MED28: variants seen among roughly 807,000 people sequenced by gnomAD.
MED28 encodes mediator of RNA polymerase II transcription subunit 28.
In MED28, 26 loss-of-function variants were observed where a neutral mutation model predicts 21.3. The observed-to-expected ratio is 1.22, with a 90% confidence interval of 0.89 to 1.69. MED28 has a LOEUF of 1.69. Ranked by LOEUF, MED28 falls within the 40% of genes most tolerant of loss-of-function variation. The probability of loss-of-function intolerance (pLI) is 0.00; values close to 1 mark genes in which losing one functional copy is unlikely to be tolerated. For missense variants in MED28, 257 were observed against 215.4 expected, an observed-to-expected ratio of 1.19 and a Z score of -1.21; for synonymous variants, 110 against 87.6, an observed-to-expected ratio of 1.26 and a Z score of -1.43.
chr4:17,623,775 C>T lies in MED28; in HGVS notation c.514C>T (p.Pro172Ser), dbSNP rs1179060204. 4.3e-6 allele frequency: 7 copies of T among 1,614,052 alleles called. No individual in the cohort carries two copies. Residue 172 changes from proline (P) to serine (S), a missense_variant, in exon 4 of 4, where the codon CCT becomes TCT. By Grantham distance (74) the Pro-to-Ser change is moderately conservative. Transcript: ENST00000237380. Reference protein sequence around the residue: ...AYLEQASANIPAPLKPT With the variant: ...AYLEQASANISAPLKPT The stretch of plus-strand genomic sequence containing the variant: ...CCTGGAGCAGGCATCTGCCAACATC[C>T]CTGCACCTCTGAAGCCAACGTGAGC...
At chr4:17,620,220 C>G in intron 2 of MED28, 1 of 441,230 alleles carries the variant, frequency 2.3e-6, no homozygotes, top group South Asian at 3.1e-5. Flanking sequence ...ATAGTGTGTA[C>G]TGCTTTTTAA....
At position 17,623,876 on chromosome 4, in the gene MED28, A is replaced by G; in HGVS notation, c.*78A>G. 8.2e-6 allele frequency: 12 copies of G among 1,461,788 alleles called. No homozygotes were observed. The highest frequency in any genetic ancestry group is 1.1e-5 in the Non-Finnish European group (12 of 1,073,364). The allele number at this position is 1,461,788 out of a possible 1,614,324, so 90.6% of individuals were successfully genotyped here. A position where few individuals can be genotyped will look rare whatever the true frequency, so the allele number is the denominator to read the frequency against. On this transcript the variant is annotated 3_prime_UTR_variant, in exon 4 of 4. Transcript: ENST00000237380. ...ACACATTCCTTCCTGTGGACTTGAC[A>G]TTTTGGAAGAACTCTTTGCCAGATA...
rs1051175163 is a variant in MED28 at position 17,628,765 on chromosome 4, A to G, written c.*4967A>G. 3 of 152,216 alleles carry G rather than the reference A, an allele frequency of 2.0e-5. No individual in the cohort carries two copies. Among genetic ancestry groups the G allele is most frequent in the Admixed American group, 6.6e-5 (1 of 15,264 alleles). 9.4% of individuals were successfully genotyped at this position (152,216 alleles called of 1,614,324 possible). A position where few individuals can be genotyped will look rare whatever the true frequency, so the allele number is the denominator to read the frequency against. ...CTCACTCACTGCCCAACTGGTAGCA[A>G]AACCCATCTGGAGCAGCGTGTGAGG... On this transcript the variant is annotated 3_prime_UTR_variant, in exon 4 of 4. Transcript: ENST00000237380.
intron 1 of MED28, among the ~76,000 whole-genome samples, chr4:17,617,298 C>T (rs1372438342): frequency 6.6e-6 from 1 of 152,202 alleles, no homozygotes; most frequent in Non-Finnish European, 1.5e-5. Context: ...TTCACAGCCT[C>T]CAGTGGCACA....
chr4:17,624,573 AGT>A lies in MED28; in HGVS notation c.*777_*778del, dbSNP rs1714724568. 1 of 152,096 alleles carries A rather than the reference AGT, an allele frequency of 6.6e-6. No homozygotes were observed. The highest frequency in any genetic ancestry group is 2.4e-5 in the African/African-American group (1 of 41,426). 9.4% of individuals were successfully genotyped at this position (152,096 alleles called of 1,614,324 possible). ...CAGTCACTGTTTTCAGTAGCATGAC[AGT>A]GGGGTCATAGGTGAGCTGTGAGGGG... On this transcript the variant is annotated 3_prime_UTR_variant, in exon 4 of 4. Transcript: ENST00000237380.
Position 17,623,660 on chromosome 4 carries a change from G to C in MED28, c.399G>C (p.Leu133Phe). The C allele has an allele frequency of 1.9e-6, 3 of 1,614,220 alleles. No individual in the cohort carries two copies. The highest frequency in any genetic ancestry group is 2.2e-5 in the South Asian group (2 of 91,084). The change falls in exon 4 of 4, where the codon TTG becomes TTC. Residue 133 changes from leucine to phenylalanine, a missense_variant. Coordinates refer to ENST00000237380, the MANE Select transcript of MED28 (RefSeq NM_025205.5). Reference sequence around the variant, plus strand: ...AAGATGCACTAGTCCAGAAGCACTTGACAAAGCTGAGGCATTGGCAGCAGG... The same window carrying C: ...AAGATGCACTAGTCCAGAAGCACTTCACAAAGCTGAGGCATTGGCAGCAGG... ...QRKDALVQKH[L>F]TKLRHWQQVL... is the part of the protein sequence containing the mutation.
intron 2 of MED28, among the ~76,000 whole-genome samples, chr4:17,620,278 G>C (rs1242623366): frequency 6.6e-6 from 1 of 151,608 alleles, no homozygotes; most frequent in African/African-American, 2.4e-5. Flanking sequence ...AAAGTCTCTT[G>C]TGCTTCTTTT....
rs189086178 is a variant in MED28 at position 17,629,452 on chromosome 4, C to T, written c.*5654C>T. On this transcript the variant is annotated 3_prime_UTR_variant, in exon 4 of 4. Coordinates refer to ENST00000237380, the MANE Select transcript of MED28 (RefSeq NM_025205.5). ...GTTGGATATTACATCAGTGTTAGAG[C>T]AGTTAAGGGCTCAGGTATGTGGTGT... is the stretch of plus-strand genomic sequence containing the variant. 4.6e-5 allele frequency: 7 copies of T among 152,322 alleles called. No individual in the cohort carries two copies. The highest frequency in any genetic ancestry group is 4.6e-4 in the Admixed American group (7 of 15,308). 9.4% of individuals were successfully genotyped at this position (152,322 alleles called of 1,614,324 possible).
At chr4:17,615,152 C>T (rs973899504) in intron 1 of MED28, among the ~76,000 whole-genome samples, 3 of 152,202 alleles carry the variant, frequency 2.0e-5, no homozygotes, top group African/African-American at 2.4e-5. Flanking sequence ...CAAGCCTTTT[C>T]GGAGCTGAGA....
chr4:17,623,892 T>G lies in MED28; in HGVS notation c.*94T>G. On this transcript the variant is annotated 3_prime_UTR_variant, in exon 4 of 4. Transcript: ENST00000237380. Reference sequence around the variant, plus strand: ...GGACTTGACATTTTGGAAGAACTCTTTGCCAGATAATGAGTTCATTTTAGT... The same window carrying G: ...GGACTTGACATTTTGGAAGAACTCTGTGCCAGATAATGAGTTCATTTTAGT... 7.2e-7 allele frequency: 1 copy of G among 1,388,002 alleles called. No homozygotes were observed. Among genetic ancestry groups the G allele is most frequent in the South Asian group, 1.3e-5 (1 of 76,042 alleles). The allele number at this position is 1,388,002 out of a possible 1,614,324, so 86.0% of individuals were successfully genotyped here.
intron 1 of MED28, among the ~76,000 whole-genome samples, chr4:17,615,972 A>G (rs1292495558): frequency 6.6e-6 from 1 of 152,022 alleles, no homozygotes; most frequent in Non-Finnish European, 1.5e-5. Context: ...TTAGAAATAA[A>G]TGATTTGAGA....
At chr4:17,619,771 G>C (rs1380338718) in intron 1 of MED28, 130 bp from the exon 2 acceptor site, 33 of 728,012 alleles carry the variant, frequency 4.5e-5, no homozygotes, top group Non-Finnish European at 7.8e-5. Context: ...ATGGTGTCTT[G>C]CCATCTCATA....
At chr4:17,616,912 T>C (rs1311395653) in intron 1 of MED28, among the ~76,000 whole-genome samples, 5 of 152,176 alleles carry the variant, frequency 3.3e-5, no homozygotes, top group African/African-American at 4.8e-5. Context: ...TAGGTGCCCT[T>C]GAGAGAGAAC....
Position 17,632,421 on chromosome 4 carries a change from A to G in MED28, c.*8623A>G, listed in dbSNP as rs1480816075. 4 of 923,578 alleles carry G rather than the reference A, an allele frequency of 4.3e-6. No individual in the cohort carries two copies. Among genetic ancestry groups the G allele is most frequent in the Admixed American group, 5.4e-5 (2 of 36,986 alleles). The allele number at this position is 923,578 out of a possible 1,614,324, so 57.2% of individuals were successfully genotyped here. A position where few individuals can be genotyped will look rare whatever the true frequency, so the allele number is the denominator to read the frequency against. ...CCAAAATTTGTTTTAGCTATCATAT[A>G]TAAATCATAAGCATATTATTTGGTT... On this transcript the variant is annotated 3_prime_UTR_variant, in exon 4 of 4. Transcript: ENST00000237380.
In MED28 at chr4:17,626,963, ATTTTTT is replaced by A. The variant is rs566778111; in HGVS notation, c.*3179_*3184del. 2 of 126,176 alleles carry A rather than the reference ATTTTTT, an allele frequency of 1.6e-5. No homozygotes were observed. The highest frequency in any genetic ancestry group is 8.2e-5 in the Admixed American group (1 of 12,250). The allele number at this position is 126,176 out of a possible 1,614,324, so 7.8% of individuals were successfully genotyped here. A position where few individuals can be genotyped will look rare whatever the true frequency, so the allele number is the denominator to read the frequency against. The stretch of plus-strand genomic sequence containing the variant: ...CCTCAGCCTCCCAAGTAGCTGGGCT[ATTTTTT>A]TTTTTTTTTTTTTGAGATGGAGTCT... On this transcript the variant is annotated 3_prime_UTR_variant, in exon 4 of 4. Transcript: ENST00000237380.
rs1427777246 is a variant in MED28, at chr4:17,625,990, G to A, written c.*2192G>A. On this transcript the variant is annotated 3_prime_UTR_variant, in exon 4 of 4. Transcript: ENST00000237380. ...GAAGCCTTATAACAGAATCAATATT[G>A]TTTTTCCCATTTTCACAGATGGATA... 6.2e-6 allele frequency: 1 copy of A among 162,290 alleles called. No homozygotes were observed. The highest frequency in any genetic ancestry group is 1.3e-5 in the Non-Finnish European group (1 of 74,680). 10.1% of individuals were successfully genotyped at this position (162,290 alleles called of 1,614,324 possible).
chr4:17,628,255 C>CGCGTGTGT lies in MED28; in HGVS notation c.*4458_*4459insCGTGTGTG, dbSNP rs1553825963. The CGCGTGTGT allele has an allele frequency of 7.1e-6, 1 of 140,812 alleles. No homozygotes were observed. Among genetic ancestry groups the CGCGTGTGT allele is most frequent in the African/African-American group, 2.7e-5 (1 of 37,524 alleles). The allele number at this position is 140,812 out of a possible 1,614,324, so 8.7% of individuals were successfully genotyped here. On this transcript the variant is annotated 3_prime_UTR_variant, in exon 4 of 4. Coordinates refer to ENST00000237380, the MANE Select transcript of MED28 (RefSeq NM_025205.5). ...GCTGGTTAAAACGAGTGACAGCTGC[C>CGCGTGTGT]GTGTGTGTGTGTGTGTGTGTGTGTG...
rs1263971791 is a variant in MED28 at position 17,614,737 on chromosome 4, C to T, written c.83C>T (p.Ser28Leu). ...CCGCCGGGCCTTCCGGGCCAAGCTT[C>T]GCTTCTTCAGGCAGCTCCAGGCGCT... ...QAPPGLPGQA[S>L]LLQAAPGAPR... The change falls in exon 1 of 4, where the codon TCG (serine) becomes TTG (leucine). Residue 28 changes from serine (S) to leucine (L), a missense_variant. By Grantham distance (145) the Ser-to-Leu change is moderately radical. Transcript: ENST00000237380. 1.2e-6 allele frequency: 2 copies of T among 1,614,260 alleles called. No homozygotes were observed. Among genetic ancestry groups the T allele is most frequent in the East Asian group, 2.2e-5 (1 of 44,886 alleles).
At position 17,631,503 on chromosome 4, in the gene MED28, C is replaced by A. The variant is rs1410786055; in HGVS notation, c.*7705C>A. On this transcript the variant is annotated 3_prime_UTR_variant, in exon 4 of 4. Coordinates refer to ENST00000237380, the MANE Select transcript of MED28 (RefSeq NM_025205.5). The stretch of plus-strand genomic sequence containing the variant: ...CTTCAAAGAACAGATAATCTAGAGA[C>A]CTTCACAAGTGATCATGTTGGCACT... 6.6e-6 allele frequency: 1 copy of A among 152,176 alleles called. No individual in the cohort carries two copies. The highest frequency in any genetic ancestry group is 2.4e-5 in the African/African-American group (1 of 41,430). 9.4% of individuals were successfully genotyped at this position (152,176 alleles called of 1,614,324 possible). A position where few individuals can be genotyped will look rare whatever the true frequency, so the allele number is the denominator to read the frequency against.
Sources: gnomAD v4.1 joint callset for allele counts (sites outside exome capture counted in the v4.1 genomes callset) on GRCh38, gnomAD v4.1.1 for gene constraint, MANE v1.5 for transcripts, NCBI Gene and HGNC (gene_info 2026-07-23, HGNC 2026-07-21) for gene names.